Variants in SNX24 observed in about 807,000 individuals in gnomAD.
The protein encoded by SNX24 is sorting nexin-24.
A neutral mutation model predicts 28.7 loss-of-function variants in SNX24; 22 were observed. That is an observed-to-expected ratio of 0.77 (90% confidence interval 0.55 to 1.10). The LOEUF (loss-of-function observed/expected upper bound fraction) is 1.10, where lower values mean the gene tolerates loss of function less well. Ranked by LOEUF, SNX24 falls within the 50% of genes least tolerant of loss-of-function variation. SNX24 has a pLI of 0.00. For missense variants in SNX24, 221 were observed against 201.1 expected (o/e 1.10, Z -0.60); for synonymous variants, 69 against 71.5 (o/e 0.96, Z 0.18).
At chr5:123,007,486 G>C (rs575855991) in intron 6 of SNX24, among the ~76,000 whole-genome samples, 196 bp from the exon 7 acceptor site, 3 of 152,282 alleles carry the variant, frequency 2.0e-5, no homozygotes, top group African/African-American at 7.2e-5. Flanking sequence ...CGCGCCTGGT[G>C]GTGTGCTCAA....
intron 1 of SNX24, among the ~76,000 whole-genome samples, chr5:122,916,765 T>C (rs1758188396): frequency 6.6e-6 from 1 of 152,208 alleles, no homozygotes; most frequent in African/African-American, 2.4e-5. Context: ...ATGATAATCT[T>C]TCTTTACATA....
chr5:122,910,187 A>G (rs2150088093), intron 1 of SNX24, among the ~76,000 whole-genome samples: 1 of 152,334 alleles, frequency 6.6e-6, no homozygotes, highest in South Asian at 2.1e-4. Context: ...CTTTAATCCT[A>G]CCACTGTGGT....
At chr5:123,007,423 T>G (rs1169149288) in intron 6 of SNX24, among the ~76,000 whole-genome samples, 1 of 152,232 alleles carries the variant, frequency 6.6e-6, no homozygotes, top group African/African-American at 2.4e-5. Context: ...CAGCATTAAC[T>G]GTTAGAACAT....
intron 1 of SNX24, among the ~76,000 whole-genome samples, chr5:122,869,460 A>G (rs1199561799): frequency 6.6e-6 from 1 of 152,240 alleles, no homozygotes; most frequent in Non-Finnish European, 1.5e-5. Context: ...AATTTTTTAC[A>G]TTGCTGTGTT....
chr5:122,890,950 A>C, intron 1 of SNX24: 1 of 1,249,088 alleles, frequency 8.0e-7, no homozygotes, highest in Non-Finnish European at 1.0e-6. Flanking sequence ...TTCTGCAAGG[A>C]TTTTAAAGTA....
At chr5:122,969,902 C>G (rs1054142807) in intron 3 of SNX24, among the ~76,000 whole-genome samples, 4 of 152,052 alleles carry the variant, frequency 2.6e-5, no homozygotes, top group Non-Finnish European at 5.9e-5. Flanking sequence ...ACCCACCCAC[C>G]TACCCCTATT....
chr5:122,924,359 C>G (rs1440896626), intron 1 of SNX24, among the ~76,000 whole-genome samples: 1 of 152,174 alleles, frequency 6.6e-6, no homozygotes, highest in Non-Finnish European at 1.5e-5. Flanking sequence ...AATACTGCAA[C>G]AGTCGATCTG....
chr5:122,860,033 A>C (rs185679380), intron 1 of SNX24, among the ~76,000 whole-genome samples: 1 of 152,274 alleles, frequency 6.6e-6, no homozygotes, highest in Non-Finnish European at 1.5e-5. Flanking sequence ...TCCTATTCAG[A>C]TCTTAGTTAA....
At chr5:123,021,110 C>G (rs930208568) in intron 5 of SNX24, among the ~76,000 whole-genome samples, 6 of 151,752 alleles carry the variant, frequency 4.0e-5, no homozygotes, top group East Asian at 1.9e-4. Flanking sequence ...CAGTTCCCCC[C>G]CCGTCCCCAT....
intron 1 of SNX24, among the ~76,000 whole-genome samples, chr5:122,932,842 G>C (rs1024207619): frequency 3.1e-5 from 4 of 129,234 alleles, no homozygotes; most frequent in Non-Finnish European, 4.8e-5. Context: ...CGGGGCGACA[G>C]AGCAAGACTC....
chr5:122,936,481 GT>G (rs201075870), intron 1 of SNX24, among the ~76,000 whole-genome samples: 12 of 150,970 alleles, frequency 7.9e-5, no homozygotes, highest in South Asian at 2.1e-4. Context: ...AATTAGGTAG[GT>G]TTTTTTTTAT....
intron 1 of SNX24, among the ~76,000 whole-genome samples, chr5:122,847,769 C>T (rs1224984176): frequency 6.6e-6 from 1 of 151,932 alleles, no homozygotes; most frequent in Non-Finnish European, 1.5e-5. Flanking sequence ...GCTGGGATAA[C>T]AGGCATGAGC....
intron 5 of SNX24, among the ~76,000 whole-genome samples, chr5:123,021,943 A>G (rs1373443495): frequency 6.6e-6 from 1 of 151,992 alleles, no homozygotes; most frequent in Non-Finnish European, 1.5e-5. Context: ...CTTAGCACAA[A>G]TGCCATCCCT....
intron 3 of SNX24, among the ~76,000 whole-genome samples, chr5:122,958,308 C>A (rs1760305797): frequency 6.6e-6 from 1 of 151,684 alleles, no homozygotes; most frequent in African/African-American, 2.4e-5. Flanking sequence ...GGCTGGAATG[C>A]AATGGCATGG....
chr5:122,972,776 G>A (rs961554349), intron 3 of SNX24, among the ~76,000 whole-genome samples: 9 of 152,188 alleles, frequency 5.9e-5, no homozygotes, highest in South Asian at 2.1e-4. Context: ...CCTTTTCCAT[G>A]ATGGAAGAGG....
intron 1 of SNX24, among the ~76,000 whole-genome samples, chr5:122,873,972 G>A (rs903693818): frequency 6.6e-6 from 1 of 152,122 alleles, no homozygotes; most frequent in Non-Finnish European, 1.5e-5. Context: ...ATTTCACCAT[G>A]TTGTCCAGCC....
intron 5 of SNX24, among the ~76,000 whole-genome samples, chr5:123,021,672 A>C (rs1762764875): frequency 6.6e-6 from 1 of 152,160 alleles, no homozygotes. Context: ...GCATCACATC[A>C]TGCCCCTCCG....
At chr5:122,933,946 C>T (rs188090995) in intron 1 of SNX24, among the ~76,000 whole-genome samples, 1 of 151,898 alleles carries the variant, frequency 6.6e-6, no homozygotes, top group Non-Finnish European at 1.5e-5. Flanking sequence ...CCACACCCAG[C>T]TAATTTTTGT....
chr5:122,860,650 G>A (rs1270725505), intron 1 of SNX24, among the ~76,000 whole-genome samples: 1 of 152,168 alleles, frequency 6.6e-6, no homozygotes, highest in African/African-American at 2.4e-5. Flanking sequence ...GGCTTGGAGT[G>A]CAGTGGCATG....
Sources: gnomAD v4.1 joint callset for allele counts (sites outside exome capture counted in the v4.1 genomes callset) on GRCh38, gnomAD v4.1.1 for gene constraint, MANE v1.5 for transcripts, NCBI Gene and HGNC (gene_info 2026-07-23, HGNC 2026-07-21) for gene names.